Variants in GAK observed in about 807,000 individuals in gnomAD.
The protein encoded by GAK is cyclin-G-associated kinase.
GAK carries 79 observed loss-of-function variants against 143.9 expected under a neutral mutation model. That is an observed-to-expected ratio of 0.55 (90% CI 0.46 to 0.66). The LOEUF (loss-of-function observed/expected upper bound fraction) is 0.66, where lower values mean the gene tolerates loss of function less well. Ranked by LOEUF, GAK falls within the 30% of genes least tolerant of loss-of-function variation. The pLI is 0.00. For synonymous variants in GAK, 881 were observed against 765.5 expected (o/e 1.15, Z -2.49); for missense variants, 1,693 against 1,779.7 (o/e 0.95, Z 0.88).
chr4:884,585 C>T (rs560551820), intron 11 of GAK, among the ~76,000 whole-genome samples: 1 of 152,212 alleles, frequency 6.6e-6, no homozygotes, highest in African/African-American at 2.4e-5. Context: ...CCTAGAAGCC[C>T]CTGCTGTGGC....
rs955705307 is a variant in GAK, at chr4:931,802, C to T, written c.145+241G>A. Among the ~76,000 whole-genome samples the T allele has an allele frequency of 5.9e-5, 9 of 152,146 alleles. No individual in the cohort carries two copies. The East Asian group carries it at 9.7e-4, about 16-fold the overall frequency. On this transcript the variant is annotated intron_variant, in intron 1 of 27. Coordinates refer to ENST00000314167, the MANE Select transcript of GAK (RefSeq NM_005255.4). Reference sequence around the variant, plus strand: ...TGACAAGAAAGTACCCCGACCCGGTCCCAGCCTCGCCCTCCGCAATCACCG... The same window carrying T: ...TGACAAGAAAGTACCCCGACCCGGTTCCAGCCTCGCCCTCCGCAATCACCG...
In GAK at chr4:926,937, C is replaced by G. The variant is rs191124125; in HGVS notation, c.145+5106G>C. Among the ~76,000 whole-genome samples, 99 of 50,074 alleles carry G rather than the reference C, an allele frequency of 2.0e-3. 24 individuals carry two copies. Among genetic ancestry groups the G allele is most frequent in the South Asian group, 8.8e-3 (5 of 566 alleles). 32.9% of individuals were successfully genotyped at this position (50,074 alleles called of 152,430 possible). ...CCGCACCCCTCCCGGCTCACCAGCG[C>G]TCCGCACTGCCCCGCACCCCTCCCC... is the stretch of plus-strand genomic sequence containing the variant. On this transcript the variant is annotated intron_variant, in intron 1 of 27. Coordinates refer to ENST00000314167, the MANE Select transcript of GAK (RefSeq NM_005255.4).
rs183563539 is a variant in GAK at position 921,341 on chromosome 4, G to C, written c.146-7673C>G. 3.9e-5 allele frequency among the ~76,000 whole-genome samples: 6 copies of C among 152,300 alleles called. No individual in the cohort carries two copies. The East Asian group carries it at 1.2e-3, about 29-fold the overall frequency. Reference sequence around the variant, plus strand: ...TGGTCTCGAACTCCTGGCTTCAGGTGCCTTGGCCTCCCAAAGTGCTGGGAT... The same window carrying C: ...TGGTCTCGAACTCCTGGCTTCAGGTCCCTTGGCCTCCCAAAGTGCTGGGAT... On this transcript the variant is annotated intron_variant, in intron 1 of 27. Transcript: ENST00000314167.
intron 18 of GAK, among the ~76,000 whole-genome samples, chr4:874,658 C>T (rs1369910798): frequency 8.0e-5 from 12 of 150,636 alleles, no homozygotes; most frequent in African/African-American, 2.7e-4. Flanking sequence ...AACCTCTTTT[C>T]TTCTTTTTGT....
At chr4:853,564 GCAAGGCGTGAGGCACGCGGCTCGTCCCC>G (rs1748566482) in intron 24 of GAK, 1 of 151,418 alleles carries the variant, frequency 6.6e-6, no homozygotes, top group Admixed American at 6.6e-5. Context: ...CGTCCCCCCG[GCAAGGCGTGAGGCACGCGGCTCGTCCCC>G]CGGCAAGTCC....
chr4:867,741 A>C (rs1169853019), intron 20 of GAK, among the ~76,000 whole-genome samples: 1 of 152,134 alleles, frequency 6.6e-6, no homozygotes. Context: ...TGGCGAACCC[A>C]CATGGCCAGC....
At position 913,944 on chromosome 4, in the gene GAK, C is replaced by T. The variant is rs1311819776; in HGVS notation, c.146-276G>A. 8 of 301,196 alleles carry T rather than the reference C, an allele frequency of 2.7e-5. No individual in the cohort carries two copies. In the Admixed American group the frequency reaches 2.8e-4, roughly 11 times the overall value. The allele number at this position is 301,196 out of a possible 1,614,324, so 18.7% of individuals were successfully genotyped here. A position where few individuals can be genotyped will look rare whatever the true frequency, so the allele number is the denominator to read the frequency against. ...ACACACAGCCCCAGCGTGCACGGCC[C>T]CACACACACACAGCCCCAGCGTGCA... On this transcript the variant is annotated intron_variant, in intron 1 of 27. Coordinates refer to ENST00000314167, the MANE Select transcript of GAK (RefSeq NM_005255.4).
In GAK at chr4:856,120, C is replaced by T. The variant is rs114653522; in HGVS notation, c.3283+3486G>A. Among the ~76,000 whole-genome samples, 631 of 152,176 alleles carry T rather than the reference C, an allele frequency of 4.1e-3. 5 individuals carry two copies. Among genetic ancestry groups the T allele is most frequent in the African/African-American group, 0.014 (600 of 41,544 alleles). On this transcript the variant is annotated intron_variant, in intron 24 of 27. Transcript: ENST00000314167. ...CTTCCCACCTCAGCTTGCTGAGTAGCTGGGACCACACCTGCTCACCACAGC... is the reference window on the plus strand; with the variant it reads ...CTTCCCACCTCAGCTTGCTGAGTAGTTGGGACCACACCTGCTCACCACAGC...
Position 867,020 on chromosome 4 carries a change from G to C in GAK, c.2808C>G (p.Leu936=). The change falls in exon 21 of 28, where the codon CTC becomes CTG. Residue 936 remains leucine, a synonymous_variant. Coordinates refer to ENST00000314167, the MANE Select transcript of GAK (RefSeq NM_005255.4). ...TCAGGGGAGGGGCCGGGCTTGCCAG[G>C]AGCAGCGGGTCCTCGCTGAGCAGAT... ...PEDLLSEDPL[L]LASPAPPLSV... 6.7e-7 allele frequency: 1 copy of C among 1,501,830 alleles called. No individual in the cohort carries two copies. The highest frequency in any genetic ancestry group is 8.9e-7 in the Non-Finnish European group (1 of 1,125,948). The allele number at this position is 1,501,830 out of a possible 1,614,324, so 93.0% of individuals were successfully genotyped here.
intron 24 of GAK, 143 bp from the exon 25 acceptor site, chr4:852,117 C>T (rs1179702631): frequency 3.0e-5 from 22 of 738,086 alleles, no homozygotes; most frequent in East Asian, 2.7e-4. Context: ...CCAGAGGTGC[C>T]GGCTCCACCC....
At position 909,366 on chromosome 4, in the gene GAK, GAAC is replaced by G. The variant is rs545189193; in HGVS notation, c.382+2304_382+2306del. Among the ~76,000 whole-genome samples the G allele has an allele frequency of 3.6e-3, 550 of 152,368 alleles. 4 individuals carry two copies. Among genetic ancestry groups the G allele is most frequent in the Non-Finnish European group, 6.2e-3 (421 of 68,028 alleles). On this transcript the variant is annotated intron_variant, in intron 4 of 27. Transcript: ENST00000314167. ...GGACATCCAGAGAAAACAGTGCCATGAACAACAAGAGATTGACTGACAGACACC... is the reference window on the plus strand; with the variant it reads ...GGACATCCAGAGAAAACAGTGCCATGAACAAGAGATTGACTGACAGACACC...
intron 5 of GAK, among the ~76,000 whole-genome samples, chr4:898,902 G>C (rs961933905): frequency 6.6e-6 from 1 of 152,094 alleles, no homozygotes; most frequent in Non-Finnish European, 1.5e-5. Flanking sequence ...GAACTAGAAA[G>C]GGCCACACAA....
intron 16 of GAK, among the ~76,000 whole-genome samples, 190 bp downstream of exon 16, chr4:877,422 TCTC>T (rs1714174850): frequency 6.6e-6 from 1 of 151,930 alleles, no homozygotes. Flanking sequence ...CATTCTCAAG[TCTC>T]CTGGACACTC....
At position 866,364 on chromosome 4, in the gene GAK, C is replaced by T. The variant is rs749752720; in HGVS notation, c.3043G>A (p.Gly1015Arg). The stretch of plus-strand genomic sequence containing the variant: ...TGGCTGCCAGGCGAGAGGCACTTAC[C>T]CAGGTGCAGGAAGTCGGCGCTGCAG... ...PSCSADFLHL[G>R]DLPGEPSKMT... Residue 1015 changes from glycine (G) to arginine (R), a missense_variant and splice_region_variant, in exon 22 of 28, where the codon GGG becomes AGG. By Grantham distance (125) the Gly-to-Arg change is moderately radical. Around this residue, in one of 2 missense-constraint regions of GAK, gnomAD observed 822 missense variants for 788.7 expected, o/e 1.04. Transcript: ENST00000314167. The T allele has an allele frequency of 1.9e-6, 3 of 1,613,790 alleles. No homozygotes were observed. The highest frequency in any genetic ancestry group is 2.2e-5 in the South Asian group (2 of 91,084).
chr4:870,219 C>T (rs769824892), intron 19 of GAK, among the ~76,000 whole-genome samples: 9 of 152,218 alleles, frequency 5.9e-5, no homozygotes, highest in Admixed American at 1.3e-4. Flanking sequence ...AACCAAGAGC[C>T]GAGAACAAGC....
chr4:888,821 C>G (rs1258078728), intron 11 of GAK, 26 bp downstream of exon 11: 1 of 1,588,670 alleles, frequency 6.3e-7, no homozygotes, highest in Non-Finnish European at 8.6e-7. Context: ...TGCGGCAGGT[C>G]CAGGGCTCTG....
At chr4:870,049 C>T (rs934360610) in intron 19 of GAK, 3 of 153,798 alleles carry the variant, frequency 2.0e-5, no homozygotes, top group African/African-American at 7.2e-5. Flanking sequence ...CGAATGCACA[C>T]AGCACACAGA....
intron 4 of GAK, among the ~76,000 whole-genome samples, chr4:907,235 A>G (rs1447826899): frequency 6.6e-6 from 1 of 151,996 alleles, no homozygotes; most frequent in Non-Finnish European, 1.5e-5. Flanking sequence ...CACTGCCCCC[A>G]CCTGCACCCA....
chr4:902,212 G>C (rs1476100556), intron 5 of GAK, among the ~76,000 whole-genome samples: 1 of 151,484 alleles, frequency 6.6e-6, no homozygotes, highest in Non-Finnish European at 1.5e-5. Flanking sequence ...ACTCCAGCCT[G>C]GGCAACAGAG....
Sources: gnomAD v4.1 joint callset for allele counts (sites outside exome capture counted in the v4.1 genomes callset) on GRCh38, gnomAD v4.1.1 for gene constraint, gnomAD v4.1.1 regional missense constraint, MANE v1.5 for transcripts, NCBI Gene and HGNC (gene_info 2026-07-23, HGNC 2026-07-21) for gene names.